ANGPT1: variants seen among roughly 807,000 people sequenced by gnomAD.
ANGPT1 encodes angiopoietin-1.
Under a neutral mutation model 62.2 loss-of-function variants are expected in ANGPT1, and 17 were observed. The ratio of observed to expected loss-of-function variants is 0.27; its 90% confidence interval spans 0.19 to 0.41. ANGPT1 has a LOEUF of 0.41. Among genes scored for constraint, ANGPT1 ranks in the 10% least tolerant of loss-of-function variants. The pLI is 1.00. For synonymous variants in ANGPT1, 199 were observed against 198.9 expected (o/e 1.00, Z 0.00); for missense variants, 478 against 594.9 (o/e 0.80, Z 2.04).
intron 1 of ANGPT1, among the ~76,000 whole-genome samples, chr8:107,442,847 T>C (rs1451421194): frequency 1.3e-5 from 2 of 152,228 alleles, no homozygotes; most frequent in Non-Finnish European, 2.9e-5. Context: ...AAGTATCTGC[T>C]TGTAAGAAGG....
At chr8:107,423,810 C>A (rs577310598) in intron 1 of ANGPT1, among the ~76,000 whole-genome samples, 75 of 145,544 alleles carry the variant, frequency 5.2e-4, no homozygotes, top group African/African-American at 1.7e-3. Flanking sequence ...ATTTCAGGTA[C>A]CTTTTCCTTT....
intron 1 of ANGPT1, among the ~76,000 whole-genome samples, chr8:107,487,249 G>C (rs1277767946): frequency 2.0e-5 from 3 of 152,068 alleles, no homozygotes; most frequent in African/African-American, 7.2e-5. Context: ...AACAATAATG[G>C]AGGAGACAAG....
intron 1 of ANGPT1, among the ~76,000 whole-genome samples, chr8:107,399,843 G>A (rs557300965): frequency 1.3e-5 from 2 of 152,160 alleles, no homozygotes; most frequent in South Asian, 4.1e-4. Flanking sequence ...GAAGGAGCCA[G>A]GTGCCACACT....
intron 7 of ANGPT1, among the ~76,000 whole-genome samples, chr8:107,281,595 G>A (rs1315206665): frequency 9.9e-5 from 15 of 152,086 alleles, no homozygotes; most frequent in Admixed American, 7.9e-4. Flanking sequence ...TGGCTAACAC[G>A]GTGAAACTCC....
In ANGPT1 at chr8:107,341,650, C is replaced by G. The variant is rs540816649; in HGVS notation, c.453+5292G>C. Among the ~76,000 whole-genome samples, 8 of 148,094 alleles carry G rather than the reference C, an allele frequency of 5.4e-5. No homozygotes were observed. In the East Asian group the frequency reaches 1.6e-3, roughly 29 times the overall value. ...CTCATTATATATGTATATATTATAACATAATAATATAACCCTATATTATAT... is the reference window on the plus strand; with the variant it reads ...CTCATTATATATGTATATATTATAAGATAATAATATAACCCTATATTATAT... On this transcript the variant is annotated intron_variant, in intron 2 of 8. Transcript: ENST00000517746.
At chr8:107,384,089 G>A (rs1229071109) in intron 1 of ANGPT1, among the ~76,000 whole-genome samples, 2 of 152,118 alleles carry the variant, frequency 1.3e-5, no homozygotes, top group Non-Finnish European at 2.9e-5. Flanking sequence ...ATTTGAAGAG[G>A]TGGACATGGT....
intron 1 of ANGPT1, among the ~76,000 whole-genome samples, chr8:107,428,608 A>G (rs1006322818): frequency 5.9e-5 from 9 of 151,508 alleles, no homozygotes; most frequent in Non-Finnish European, 1.0e-4. Flanking sequence ...TTATTATTGT[A>G]GTAGTGCTGG....
chr8:107,497,218 A>C lies in ANGPT1; in HGVS notation c.297+44T>G, dbSNP rs73295740. 5.8e-4 allele frequency: 918 copies of C among 1,588,568 alleles called. 4 individuals carry two copies. In the African/African-American group the frequency reaches 0.01, roughly 18 times the overall value. On this transcript the variant is annotated intron_variant, in intron 1 of 8. Transcript: ENST00000517746. Reference sequence around the variant, plus strand: ...CTTTAAGTTAGCTGCAGTGCAAGAAAGGAAAAAGGTCCGTGCTATTAGAAA... The same window carrying C: ...CTTTAAGTTAGCTGCAGTGCAAGAACGGAAAAAGGTCCGTGCTATTAGAAA...
rs71308720 is a variant in ANGPT1, at chr8:107,313,429, G to GTTTTTTTT, written c.808+8459_808+8466dup. ...TAGGAAGCTAAAAATGTTACTAGTT[G>GTTTTTTTT]TTTTTTTTTTTTTTTTTTTTTTTTT... On this transcript the variant is annotated intron_variant, in intron 4 of 8. Coordinates refer to ENST00000517746, the MANE Select transcript of ANGPT1 (RefSeq NM_001146.5). 8.7e-4 allele frequency among the ~76,000 whole-genome samples: 56 copies of GTTTTTTTT among 64,198 alleles called. 9 individuals are homozygous for GTTTTTTTT. Among genetic ancestry groups the GTTTTTTTT allele is most frequent in the East Asian group, 1.6e-3 (3 of 1,828 alleles). The allele number at this position is 64,198 out of a possible 152,430, so 42.1% of individuals were successfully genotyped here.
intron 4 of ANGPT1, among the ~76,000 whole-genome samples, chr8:107,319,596 AAAAC>A (rs1226246613): frequency 2.6e-5 from 4 of 151,796 alleles, no homozygotes; most frequent in African/African-American, 4.8e-5. Flanking sequence ...TTTTGGTCAT[AAAAC>A]AAAGAAAGGC....
intron 8 of ANGPT1, among the ~76,000 whole-genome samples, chr8:107,256,352 C>G (rs1487058684): frequency 6.6e-6 from 1 of 152,158 alleles, no homozygotes; most frequent in East Asian, 1.9e-4. Flanking sequence ...ATATTTCAAA[C>G]AGTTTGTCCA....
intron 5 of ANGPT1, among the ~76,000 whole-genome samples, chr8:107,297,962 C>T (rs1814459521): frequency 6.6e-6 from 1 of 151,790 alleles, no homozygotes; most frequent in African/African-American, 2.4e-5. Context: ...GTTCATTTGC[C>T]AGTATTGTGT....
At chr8:107,357,709 T>C (rs1370664583) in intron 1 of ANGPT1, among the ~76,000 whole-genome samples, 2 of 152,138 alleles carry the variant, frequency 1.3e-5, no homozygotes, top group African/African-American at 2.4e-5. Flanking sequence ...GGACAGATCA[T>C]GAAATTTAAA....
At chr8:107,353,956 T>C (rs1815987089) in intron 1 of ANGPT1, among the ~76,000 whole-genome samples, 1 of 152,092 alleles carries the variant, frequency 6.6e-6, no homozygotes, top group Admixed American at 6.6e-5. Context: ...TCCAAAGGAA[T>C]AGTAGCAACA....
At chr8:107,370,232 A>G (rs1461901608) in intron 1 of ANGPT1, among the ~76,000 whole-genome samples, 1 of 144,760 alleles carries the variant, frequency 6.9e-6, no homozygotes, top group East Asian at 2.0e-4. Flanking sequence ...GAAAGGAAGG[A>G]AGAAGGAAGA....
chr8:107,333,920 G>GAGAAAGAA (rs139390488), intron 3 of ANGPT1, among the ~76,000 whole-genome samples: 1,466 of 138,146 alleles, frequency 0.011, 30 homozygotes, highest in African/African-American at 0.037. Context: ...AAGAAATAAA[G>GAGAAAGAA]AGAAAGAAAG....
intron 4 of ANGPT1, among the ~76,000 whole-genome samples, chr8:107,308,841 A>G (rs149551521): frequency 8.7e-4 from 133 of 152,308 alleles, no homozygotes; most frequent in African/African-American, 3.1e-3. Flanking sequence ...CATTCAGTCA[A>G]TAAGCAACCT....
At chr8:107,371,340 T>A (rs1816407001) in intron 1 of ANGPT1, among the ~76,000 whole-genome samples, 1 of 152,186 alleles carries the variant, frequency 6.6e-6, no homozygotes, top group African/African-American at 2.4e-5. Context: ...TGTCAGTCAA[T>A]CTGTGAATTT....
chr8:107,270,023 T>C (rs1022985117), intron 7 of ANGPT1, among the ~76,000 whole-genome samples: 2 of 152,076 alleles, frequency 1.3e-5, no homozygotes, highest in Non-Finnish European at 2.9e-5. Context: ...TCTTAATGAA[T>C]ATAGGACAAC....
Sources: allele counts gnomAD v4.1 joint callset (sites outside exome capture counted in the v4.1 genomes callset), GRCh38; gene constraint gnomAD v4.1.1; transcripts MANE v1.5; gene names NCBI Gene and HGNC (gene_info 2026-07-23, HGNC 2026-07-21).